Variants in GAS6 observed in about 807,000 individuals in gnomAD.
GAS6 encodes growth arrest specific 6.
Under a neutral mutation model 75.8 loss-of-function variants are expected in GAS6, and 41 were observed. The observed-to-expected ratio is 0.54, with a 90% CI of 0.42 to 0.70. GAS6 has a LOEUF of 0.70. Ranked by LOEUF, GAS6 falls within the 30% of genes least tolerant of loss-of-function variation. The probability of loss-of-function intolerance (pLI) is 0.00; values close to 1 mark genes in which losing one functional copy is unlikely to be tolerated. For synonymous variants in GAS6, 432 were observed against 412.6 expected (o/e 1.05, Z -0.57); for missense variants, 854 against 940.2 (o/e 0.91, Z 1.20).
chr13:113,858,126 T>G (rs1311563960), intron 2 of GAS6, among the ~76,000 whole-genome samples: 2 of 152,222 alleles, frequency 1.3e-5, no homozygotes, highest in East Asian at 3.9e-4. Flanking sequence ...TTGTGTCACT[T>G]TTTAGTGATC....
At chr13:113,854,373 T>G (rs1212288340) in intron 2 of GAS6, among the ~76,000 whole-genome samples, 1 of 152,048 alleles carries the variant, frequency 6.6e-6, no homozygotes, top group East Asian at 1.9e-4. Context: ...GGAGCTCGAG[T>G]GGCTTCCAGC....
At chr13:113,825,318 G>A (rs529126378) in intron 12 of GAS6, among the ~76,000 whole-genome samples, 11 of 151,216 alleles carry the variant, frequency 7.3e-5, no homozygotes, top group East Asian at 5.9e-4. Context: ...AAGGGCACCG[G>A]CCTCTGCTCT....
chr13:113,847,050 C>T (rs1281715675), intron 3 of GAS6: 8 of 503,380 alleles, frequency 1.6e-5, no homozygotes, highest in South Asian at 4.4e-5. Flanking sequence ...CCCGCTAGGG[C>T]GGCGGGGGGA....
chr13:113,857,166 C>A (rs12583124), intron 2 of GAS6, among the ~76,000 whole-genome samples: 2 of 152,078 alleles, frequency 1.3e-5, no homozygotes, highest in African/African-American at 4.8e-5. Flanking sequence ...AAAATTTCAC[C>A]TATAATTTGA....
intron 2 of GAS6, among the ~76,000 whole-genome samples, chr13:113,858,753 ATG>A (rs1215398946): frequency 2.3e-4 from 34 of 149,696 alleles, no homozygotes; most frequent in Non-Finnish European, 3.7e-4. Flanking sequence ...GTCTGTTAGT[ATG>A]TGTGTGCGTG....
intron 14 of GAS6, chr13:113,821,372 G>A: frequency 3.9e-6 from 1 of 256,854 alleles, no homozygotes. Flanking sequence ...AAACTAAGTG[G>A]AGTCTGTGTC....
At chr13:113,831,698 C>G (rs918632781) in intron 10 of GAS6, among the ~76,000 whole-genome samples, 19 of 152,158 alleles carry the variant, frequency 1.2e-4, no homozygotes, top group African/African-American at 4.6e-4. Context: ...GCAGAGAGGC[C>G]TAGAGCACCA....
intron 2 of GAS6, among the ~76,000 whole-genome samples, chr13:113,858,896 T>C (rs1393348803): frequency 6.6e-6 from 1 of 152,010 alleles, no homozygotes; most frequent in Non-Finnish European, 1.5e-5. Flanking sequence ...TCTATGTGAA[T>C]GTGTGCATGT....
chr13:113,821,987 G>A lies in GAS6; in HGVS notation c.1853C>T (p.Pro618Leu). 9 of 1,545,904 alleles carry A rather than the reference G, an allele frequency of 5.8e-6. No homozygotes were observed. Among genetic ancestry groups the A allele is most frequent in the Non-Finnish European group, 7.0e-6 (8 of 1,148,068 alleles). ...LAVLERHLRS[P>L]VLTFAGGLPD... ...CAGGCCGCCAGCAAAGGTGAGCACG[G>A]GGCTCCGCAGGTGCCTCTCGAGCAC... The change falls in exon 14 of 15, where the codon CCC becomes CTC. Residue 618 changes from proline (P) to leucine (L), a missense_variant. Transcript: ENST00000327773.
chr13:113,847,787 G>A (rs1379109483), intron 3 of GAS6: 1 of 550,066 alleles, frequency 1.8e-6, no homozygotes, highest in Non-Finnish European at 3.2e-6. Flanking sequence ...ACTCAGAGAA[G>A]GGGTTTGCAG....
In GAS6 at chr13:113,863,698, G is replaced by T. The variant is rs1415933534; in HGVS notation, c.132C>A (p.Pro44=). The T allele has an allele frequency of 6.6e-7, 1 of 1,514,234 alleles. No homozygotes were observed. The highest frequency in any genetic ancestry group is 1.2e-5 in the South Asian group (1 of 81,096). 93.8% of individuals were successfully genotyped at this position (1,514,234 alleles called of 1,614,324 possible). A position where few individuals can be genotyped will look rare whatever the true frequency, so the allele number is the denominator to read the frequency against. The part of the protein sequence containing the change: ...PAREATQFLR[P]RQRRAFQVFE... ...AGACCTGAAAGGCGCGGCGCTGCCT[G>T]GGCCGCAGGAACTGCGTGGCCTCGC... Residue 44 remains proline (P), a synonymous_variant, in exon 2 of 15, where the codon CCC becomes CCA. Transcript: ENST00000327773. This position sits in a 1 kb window ranked among gnomAD's most constrained non-coding sequence, Gnocchi z 9.4.
chr13:113,840,774 T>C (rs2138646485), intron 4 of GAS6: 1 of 152,228 alleles, frequency 6.6e-6, no homozygotes, highest in Admixed American at 6.5e-5. Context: ...AGGGGCGCGG[T>C]CCACACTCAG....
At chr13:113,839,591 C>G (rs2051753935) in intron 5 of GAS6, 137 bp downstream of exon 5, 1 of 1,148,880 alleles carries the variant, frequency 8.7e-7, no homozygotes. Flanking sequence ...TCCAGGATAC[C>G]TCAGGGCTGC....
At chr13:113,847,964 G>A in intron 3 of GAS6, 62 bp downstream of exon 3, 1 of 1,479,514 alleles carries the variant, frequency 6.8e-7, no homozygotes, top group Non-Finnish European at 9.5e-7. Context: ...CCTCCAACAT[G>A]AAACACGCAC....
intron 8 of GAS6, chr13:113,833,432 T>A (rs149054231): frequency 0.019 from 19,298 of 992,344 alleles, 195 homozygotes; most frequent in Non-Finnish European, 0.021. Context: ...GCTGTCCTGG[T>A]GACTCTTTCC....
chr13:113,862,314 C>T (rs1198901336), intron 2 of GAS6, among the ~76,000 whole-genome samples: 1 of 152,162 alleles, frequency 6.6e-6, no homozygotes, highest in Non-Finnish European at 1.5e-5. Flanking sequence ...ACGCCCCATG[C>T]CACAGTCCCT....
At chr13:113,857,354 A>T (rs12585333) in intron 2 of GAS6, among the ~76,000 whole-genome samples, 14,540 of 152,258 alleles carry the variant, frequency 0.095, 919 homozygotes, top group East Asian at 0.17. Context: ...CCCCTTTAAA[A>T]TTTATTTTAA....
intron 7 of GAS6, 38 bp downstream of exon 7, chr13:113,835,475 C>T (rs1415828195): frequency 2.5e-6 from 4 of 1,604,452 alleles, no homozygotes; most frequent in Non-Finnish European, 3.4e-6. Flanking sequence ...TAGACTTGGG[C>T]GTCAGAGAAA....
At chr13:113,838,330 AG>A (rs1251279240) in intron 5 of GAS6, 139 bp from the exon 6 acceptor site, 13 of 915,370 alleles carry the variant, frequency 1.4e-5, no homozygotes, top group Non-Finnish European at 2.1e-5. Context: ...CCTGGAGCAG[AG>A]AGAGATCCCA....
Sources: gnomAD v4.1 joint callset for allele counts (sites outside exome capture counted in the v4.1 genomes callset) on GRCh38, gnomAD v4.1.1 for gene constraint, Gnocchi (gnomAD v3.1) non-coding constraint, MANE v1.5 for transcripts, NCBI Gene and HGNC (gene_info 2026-07-23, HGNC 2026-07-21) for gene names.